ZNF423: variants seen among roughly 807,000 people sequenced by gnomAD.
The protein encoded by ZNF423 is zinc finger protein 423, also known as Ebf-associated zinc finger protein.
A neutral mutation model predicts 95.8 loss-of-function variants in ZNF423; 12 were observed. The ratio of observed to expected loss-of-function variants is 0.13; its 90% CI spans 0.08 to 0.20. ZNF423 has a LOEUF of 0.20. Among genes scored for constraint, ZNF423 ranks in the 10% least tolerant of loss-of-function variants. ZNF423 has a pLI of 1.00. For synonymous variants in ZNF423, 749 were observed against 711.9 expected (o/e 1.05, Z -0.83); for missense variants, 1,316 against 1,737.1 (o/e 0.76, Z 4.31).
At chr16:49,668,145 C>T (rs753514565) in intron 3 of ZNF423, among the ~76,000 whole-genome samples, 1 of 152,220 alleles carries the variant, frequency 6.6e-6, no homozygotes, top group Non-Finnish European at 1.5e-5. Context: ...AACCCAAACT[C>T]AGGAGTGTGG....
chr16:49,738,390 C>T (rs141641089), intron 2 of ZNF423, among the ~76,000 whole-genome samples: 1,558 of 152,282 alleles, frequency 0.01, 20 homozygotes, highest in Non-Finnish European at 0.017. Context: ...CTCCAGTACA[C>T]CTCAGCCCCC....
At chr16:49,813,753 C>A (rs2034792512) in intron 1 of ZNF423, among the ~76,000 whole-genome samples, 1 of 152,228 alleles carries the variant, frequency 6.6e-6, no homozygotes, top group South Asian at 2.1e-4. Context: ...GTCACCTGCA[C>A]CACTGAACCC....
intron 1 of ZNF423, among the ~76,000 whole-genome samples, chr16:49,793,876 G>A (rs74018941): frequency 6.6e-6 from 1 of 152,204 alleles, no homozygotes; most frequent in East Asian, 1.9e-4. Flanking sequence ...TGAAGCCCCA[G>A]CTCCAGAGCC....
chr16:49,563,724 C>T (rs1465748647), intron 5 of ZNF423, among the ~76,000 whole-genome samples: 1 of 152,216 alleles, frequency 6.6e-6, no homozygotes, highest in African/African-American at 2.4e-5. Context: ...ATGGCATCCA[C>T]CTGCACCTCT....
chr16:49,719,175 C>A (rs1162441068), intron 3 of ZNF423, among the ~76,000 whole-genome samples: 2 of 152,150 alleles, frequency 1.3e-5, no homozygotes, highest in Non-Finnish European at 2.9e-5. Context: ...CTCTGGGGGG[C>A]TCTGGCCTTT....
intron 7 of ZNF423, among the ~76,000 whole-genome samples, chr16:49,522,207 G>A (rs1217644825): frequency 6.6e-6 from 1 of 152,186 alleles, no homozygotes; most frequent in Admixed American, 6.5e-5. Context: ...GAGTCCTTAG[G>A]GCTCCCTTCT....
At chr16:49,661,400 C>T (rs1194169503) in intron 3 of ZNF423, among the ~76,000 whole-genome samples, 1 of 152,122 alleles carries the variant, frequency 6.6e-6, no homozygotes, top group African/African-American at 2.4e-5. Flanking sequence ...AGGGGGGACC[C>T]CCAAAACTCA....
intron 7 of ZNF423, chr16:49,518,375 C>T (rs181400018): frequency 6.0e-5 from 26 of 433,784 alleles, no homozygotes; most frequent in Admixed American, 1.1e-4. Context: ...AAAATGACAA[C>T]GGGAACCACA....
intron 2 of ZNF423, among the ~76,000 whole-genome samples, chr16:49,747,825 C>CTGAGACAATCCA (rs1567325039): frequency 5.3e-5 from 8 of 152,374 alleles, no homozygotes; most frequent in African/African-American, 1.9e-4. Context: ...GAATCTGTGA[C>CTGAGACAATCCA]GCAAGAGATT....
intron 5 of ZNF423, among the ~76,000 whole-genome samples, chr16:49,548,918 C>CG (rs1969534977): frequency 6.6e-6 from 1 of 152,248 alleles, no homozygotes; most frequent in African/African-American, 2.4e-5. Context: ...TTCCTAGTTA[C>CG]TGCAACACTG....
intron 5 of ZNF423, among the ~76,000 whole-genome samples, chr16:49,538,645 C>G (rs1028647845): frequency 6.6e-6 from 1 of 152,124 alleles, no homozygotes; most frequent in Admixed American, 6.5e-5. Context: ...TACTTTTGGC[C>G]GCACCCAGCT....
chr16:49,741,747 G>C (rs1279320218), intron 2 of ZNF423, among the ~76,000 whole-genome samples: 1 of 152,204 alleles, frequency 6.6e-6, no homozygotes, highest in African/African-American at 2.4e-5. Context: ...AGAAAGAGCA[G>C]TCAGCTGAGC....
chr16:49,831,871 C>T (rs1042765660), intron 1 of ZNF423, among the ~76,000 whole-genome samples: 6 of 151,640 alleles, frequency 4.0e-5, no homozygotes, highest in Admixed American at 6.6e-5. Flanking sequence ...CATGGTGGGG[C>T]GTGCCTCTAG....
At chr16:49,662,198 C>A (rs900722941) in intron 3 of ZNF423, among the ~76,000 whole-genome samples, 2 of 152,184 alleles carry the variant, frequency 1.3e-5, no homozygotes, top group Non-Finnish European at 2.9e-5. Flanking sequence ...GAAAGCCAGT[C>A]CCCCTGAAGG....
chr16:49,794,752 C>T (rs765485259), intron 1 of ZNF423, among the ~76,000 whole-genome samples: 1 of 152,238 alleles, frequency 6.6e-6, no homozygotes, highest in Non-Finnish European at 1.5e-5. Context: ...TTATTCCTTC[C>T]ACCTATTGGT....
chr16:49,672,877 G>A (rs909681449), intron 3 of ZNF423, among the ~76,000 whole-genome samples: 29 of 152,268 alleles, frequency 1.9e-4, no homozygotes, highest in African/African-American at 6.5e-4. Flanking sequence ...CGAAAAAAGA[G>A]TGGAGCATCT....
intron 3 of ZNF423, among the ~76,000 whole-genome samples, chr16:49,692,436 G>GC (rs2031819164): frequency 6.6e-6 from 1 of 152,168 alleles, no homozygotes; most frequent in African/African-American, 2.4e-5. Flanking sequence ...GTGAAGCCAG[G>GC]CCCAAGACCC....
intron 5 of ZNF423, among the ~76,000 whole-genome samples, chr16:49,559,222 A>G (rs909200936): frequency 6.6e-6 from 1 of 152,276 alleles, no homozygotes; most frequent in Non-Finnish European, 1.5e-5. Flanking sequence ...TTGGCCACAC[A>G]AAAGGGGCAA....
intron 2 of ZNF423, among the ~76,000 whole-genome samples, chr16:49,783,228 G>A (rs894742795): frequency 1.3e-5 from 2 of 151,542 alleles, no homozygotes. Context: ...TAGGGGTAGG[G>A]TTAGGGTTAG....
Sources: gnomAD v4.1 joint callset for allele counts (sites outside exome capture counted in the v4.1 genomes callset) on GRCh38, gnomAD v4.1.1 for gene constraint, MANE v1.5 for transcripts, NCBI Gene and HGNC (gene_info 2026-07-23, HGNC 2026-07-21) for gene names.